Variants in SPEN observed in about 807,000 individuals in gnomAD.
SPEN encodes msx2-interacting protein.
A neutral mutation model predicts 269.9 loss-of-function variants in SPEN; 18 were observed. That is an observed-to-expected ratio of 0.07 (90% CI 0.05 to 0.10). SPEN has a LOEUF of 0.10. Ranked by LOEUF, SPEN falls within the 10% of genes least tolerant of loss-of-function variation. The pLI is 1.00. For missense variants in SPEN, 3,822 were observed against 4,631.2 expected (o/e 0.83, Z 5.07); for synonymous variants, 1,726 against 1,765.7 (o/e 0.98, Z 0.56).
intron 1 of SPEN, among the ~76,000 whole-genome samples, chr1:15,859,353 C>CTTTTTTTTTTTTTTTTTTTTTTTT (rs1272953375): frequency 9.5e-6 from 1 of 105,198 alleles, no homozygotes; most frequent in African/African-American, 3.9e-5. Flanking sequence ...TTTTCTTTTT[C>CTTTTTTTTTTTTTTTTTTTTTTTT]TTTTCTTTTT....
In SPEN at chr1:15,930,280, A is replaced by G. The variant is rs751863504; in HGVS notation, c.4040A>G (p.Asp1347Gly). The change falls in exon 11 of 15, where the codon GAT becomes GGT. Residue 1347 changes from aspartate (D) to glycine (G), a missense_variant. Asp to Gly is a moderately conservative substitution (Grantham distance 94, BLOSUM62 -1). Around this residue, in one of 16 missense-constraint regions of SPEN, gnomAD observed 267 missense variants for 315.5 expected, o/e 0.85. Coordinates refer to ENST00000375759, the MANE Select transcript of SPEN (RefSeq NM_015001.3). This position sits in a 1 kb window ranked among gnomAD's most constrained non-coding sequence, Gnocchi z 5.3. ...LNRWDSQMKQ[D>G]AGRFDVSFPN... ...CGTTGGGACTCTCAGATGAAACAGG[A>G]TGCTGGCAGATTTGATGTGAGTTTC... 14 of 1,614,182 alleles carry G rather than the reference A, an allele frequency of 8.7e-6. No homozygotes were observed. In the South Asian group the frequency reaches 1.5e-4, roughly 18 times the overall value.
In SPEN at chr1:15,933,132, A is replaced by C. The variant is rs2071238568; in HGVS notation, c.6892A>C (p.Thr2298Pro). The part of the protein sequence containing the change: ...APDPSAGPTD[T>P]KEARGNSSET... The stretch of plus-strand genomic sequence containing the variant: ...TGACCCCTCAGCCGGCCCAACAGAT[A>C]CCAAGGAAGCCAGAGGAAATAGCAG... The change falls in exon 11 of 15, where the codon ACC becomes CCC. Residue 2298 changes from threonine (T) to proline (P), a missense_variant. Transcript: ENST00000375759. This position sits in a 1 kb window ranked among gnomAD's most constrained non-coding sequence, Gnocchi z 5.7. 1 of 1,614,034 alleles carries C rather than the reference A, an allele frequency of 6.2e-7. No homozygotes were observed. The highest frequency in any genetic ancestry group is 1.3e-5 in the African/African-American group (1 of 74,908).
At chr1:15,882,793 G>A (rs2070699953) in intron 3 of SPEN, among the ~76,000 whole-genome samples, 1 of 152,232 alleles carries the variant, frequency 6.6e-6, no homozygotes, top group Non-Finnish European at 1.5e-5. Flanking sequence ...AGCCTAGAGG[G>A]CTGGCAGGTG....
chr1:15,938,374 C>T (rs1206767337), intron 13 of SPEN, among the ~76,000 whole-genome samples: 1 of 152,094 alleles, frequency 6.6e-6, no homozygotes. Flanking sequence ...CCTTGGCCTC[C>T]CAAAGTGCTG....
At chr1:15,850,034 G>A (rs1320118503) in intron 1 of SPEN, among the ~76,000 whole-genome samples, 1 of 152,168 alleles carries the variant, frequency 6.6e-6, no homozygotes, top group Non-Finnish European at 1.5e-5. Flanking sequence ...AAGATGAGGG[G>A]GCAGAGAGAA....
intron 1 of SPEN, among the ~76,000 whole-genome samples, chr1:15,855,588 G>A (rs1011875079): frequency 4.6e-5 from 7 of 152,024 alleles, no homozygotes; most frequent in Admixed American, 4.6e-4. Context: ...AGCTGGGTGC[G>A]GTGGCTCATG....
Position 15,848,051 on chromosome 1 carries a change from C to G in SPEN, c.-17C>G. The G allele has an allele frequency of 1.4e-6, 2 of 1,407,702 alleles. No homozygotes were observed. The highest frequency in any genetic ancestry group is 1.9e-6 in the Non-Finnish European group (2 of 1,063,476). 87.2% of individuals were successfully genotyped at this position (1,407,702 alleles called of 1,614,324 possible). A position where few individuals can be genotyped will look rare whatever the true frequency, so the allele number is the denominator to read the frequency against. On this transcript the variant is annotated 5_prime_UTR_variant, in exon 1 of 15. Transcript: ENST00000375759. This position sits in a 1 kb window ranked among gnomAD's most constrained non-coding sequence, Gnocchi z 5.1. ...GAGGGGGAGCCAGCAGCGGCGGTCG[C>G]CGGCACGCCGCCCAGCATGGTCCGG...
Position 15,870,246 on chromosome 1 carries a change from C to T in SPEN, c.84-2570C>T, listed in dbSNP as rs145066697. ...GTGGAAAAGTAGGCAGTACACAAAG[C>T]CATGGGTAGTTTGATAAAAATGTGA... On this transcript the variant is annotated intron_variant, in intron 1 of 14. Coordinates refer to ENST00000375759, the MANE Select transcript of SPEN (RefSeq NM_015001.3). 3.9e-3 allele frequency among the ~76,000 whole-genome samples: 586 copies of T among 152,172 alleles called. 20 individuals are homozygous for T. Among genetic ancestry groups the T allele is most frequent in the Admixed American group, 0.035 (535 of 15,268 alleles).
Position 15,872,975 on chromosome 1 carries a change from A to G in SPEN, c.243A>G (p.Pro81=), listed in dbSNP as rs759193731. The change falls in exon 2 of 15, where the codon CCA becomes CCG. Residue 81 remains proline, a synonymous_variant. Coordinates refer to ENST00000375759, the MANE Select transcript of SPEN (RefSeq NM_015001.3). ...ACCTACGCACGGATTATAATGAACCAGGCACCATCCCGAGTGCTGCTCGGG... is the reference window on the plus strand; with the variant it reads ...ACCTACGCACGGATTATAATGAACCGGGCACCATCCCGAGTGCTGCTCGGG... ...DRDLRTDYNE[P]GTIPSAARGL... 1 of 1,614,146 alleles carries G rather than the reference A, an allele frequency of 6.2e-7. No individual in the cohort carries two copies. Among genetic ancestry groups the G allele is most frequent in the Non-Finnish European group, 8.5e-7 (1 of 1,180,024 alleles).
At chr1:15,899,537 GTTT>G (rs34565365) in intron 3 of SPEN, among the ~76,000 whole-genome samples, 39 of 83,418 alleles carry the variant, frequency 4.7e-4, no homozygotes, top group African/African-American at 1.7e-3. Flanking sequence ...ATGTGGCAGA[GTTT>G]TTTTTTTTTT....
Position 15,848,194 on chromosome 1 carries a change from C to T in SPEN, c.83+44C>T. The stretch of plus-strand genomic sequence containing the variant: ...GCGGCCGCGCTCGCTCCTCGGGCGC[C>T]GCTTCCCGCCCCGGCCCGTTGCCGG... On this transcript the variant is annotated intron_variant, in intron 1 of 14. Transcript: ENST00000375759. The surrounding 1 kb of genome is among the most constrained non-coding windows in gnomAD (Gnocchi z 5.1). 4 of 1,361,666 alleles carry T rather than the reference C, an allele frequency of 2.9e-6. No homozygotes were observed. Among genetic ancestry groups the T allele is most frequent in the African/African-American group, 1.5e-5 (1 of 66,238 alleles). 84.3% of individuals were successfully genotyped at this position (1,361,666 alleles called of 1,614,324 possible).
chr1:15,911,079 T>G, intron 4 of SPEN, 22 bp from the exon 5 acceptor site: 2 of 1,569,458 alleles, frequency 1.3e-6, no homozygotes, highest in Non-Finnish European at 1.7e-6. Context: ...AATTAATAAC[T>G]TGGTTTTTTT....
Position 15,909,418 on chromosome 1 carries a change from G to C in SPEN, c.979G>C (p.Glu327Gln), listed in dbSNP as rs2148728316. Residue 327 changes from glutamate (E) to glutamine (Q), a missense_variant, in exon 4 of 15, where the codon GAA (glutamate) becomes CAA (glutamine). Around this residue, in one of 16 missense-constraint regions of SPEN, gnomAD observed 230 missense variants for 426.1 expected, o/e 0.54. Transcript: ENST00000375759. ...CACTTCCCAGTTGCTTTCATCTCTGGAAAAAGATGAGCCCCGTAAAAGTTT... is the reference window on the plus strand; with the variant it reads ...CACTTCCCAGTTGCTTTCATCTCTGCAAAAAGATGAGCCCCGTAAAAGTTT... Reference protein sequence around the residue: ...APTSQLLSSLEKDEPRKSFGI... With the variant: ...APTSQLLSSLQKDEPRKSFGI... 2 of 1,614,120 alleles carry C rather than the reference G, an allele frequency of 1.2e-6. No individual in the cohort carries two copies. The highest frequency in any genetic ancestry group is 1.6e-4 in the Middle Eastern group (1 of 6,062).
At position 15,933,222 on chromosome 1, in the gene SPEN, A is replaced by G; in HGVS notation, c.6982A>G (p.Lys2328Glu). The G allele has an allele frequency of 1.2e-6, 2 of 1,614,156 alleles. No homozygotes were observed. ...AGAAGTGGAAGTCACTCTTGTTCGG[A>G]AAGACAAAGGGCGCCAGAAAACAAC... ...SKEVEVTLVR[K>E]DKGRQKTTRS... Residue 2328 changes from lysine (K) to glutamate (E), a missense_variant, in exon 11 of 15, where the codon AAA (lysine) becomes GAA (glutamate). Coordinates refer to ENST00000375759, the MANE Select transcript of SPEN (RefSeq NM_015001.3). The surrounding 1 kb of genome is among the most constrained non-coding windows in gnomAD (Gnocchi z 5.7).
At chr1:15,885,822 T>A (rs2070731669) in intron 3 of SPEN, among the ~76,000 whole-genome samples, 1 of 152,180 alleles carries the variant, frequency 6.6e-6, no homozygotes, top group Non-Finnish European at 1.5e-5. Flanking sequence ...TTTTTTCCCA[T>A]CAGTGGCAGA....
At chr1:15,906,362 G>T (rs1341597666) in intron 3 of SPEN, among the ~76,000 whole-genome samples, 1 of 151,630 alleles carries the variant, frequency 6.6e-6, no homozygotes, top group East Asian at 1.9e-4. Context: ...TTAGTAGTTT[G>T]CACTGACAGA....
At chr1:15,861,403 T>TA (rs1343799402) in intron 1 of SPEN, among the ~76,000 whole-genome samples, 1 of 152,148 alleles carries the variant, frequency 6.6e-6, no homozygotes, top group Non-Finnish European at 1.5e-5. Context: ...ATGCTGGGAT[T>TA]ACAGGTGTGA....
rs1045579399 is a variant in SPEN, at chr1:15,903,921, G to A, written c.882-5400G>A. Among the ~76,000 whole-genome samples, 15 of 152,206 alleles carry A rather than the reference G, an allele frequency of 9.9e-5. No homozygotes were observed. The South Asian group carries it at 2.7e-3, about 27-fold the overall frequency. On this transcript the variant is annotated intron_variant, in intron 3 of 14. Transcript: ENST00000375759. ...TACTTCTTTAAGACAACTTAGATTA[G>A]CTTCTGATGAACTATTTTTGGCTTT...
chr1:15,889,754 C>T (rs2070771834), intron 3 of SPEN, among the ~76,000 whole-genome samples: 1 of 152,070 alleles, frequency 6.6e-6, no homozygotes. Context: ...CACTCTGTTG[C>T]CCAGGCTGAA....
Sources: gnomAD v4.1 joint callset for allele counts (sites outside exome capture counted in the v4.1 genomes callset) on GRCh38, gnomAD v4.1.1 for gene constraint, gnomAD v4.1.1 regional missense constraint, Gnocchi (gnomAD v3.1) non-coding constraint, MANE v1.5 for transcripts, NCBI Gene and HGNC (gene_info 2026-07-23, HGNC 2026-07-21) for gene names.